Variants in RPL37 observed in about 807,000 individuals in gnomAD.
RPL37 encodes the protein ribosomal protein L37.
In RPL37, 1 loss-of-function variant was observed where a neutral mutation model predicts 14.8. The observed-to-expected ratio is 0.07, with a 90% confidence interval of 0.02 to 0.32. RPL37 has a LOEUF of 0.32. Ranked by LOEUF, RPL37 falls within the 10% of genes least tolerant of loss-of-function variation. The pLI, the probability that RPL37 is intolerant of heterozygous loss-of-function variation, is 1.00. For missense variants in RPL37, 100 were observed against 128.3 expected (o/e 0.78, Z 1.06); for synonymous variants, 53 against 45.8 (o/e 1.16, Z -0.63).
rs1745518670 is a variant in RPL37 at position 40,826,385 on chromosome 5, T to G, written c.*6119A>C. ...TTTTTTATATCCCAGCCCTCCCATGTAAGACTGGTCATTTTTTAGAATCCT... is the reference window on the plus strand; with the variant it reads ...TTTTTTATATCCCAGCCCTCCCATGGAAGACTGGTCATTTTTTAGAATCCT... On this transcript the variant is annotated 3_prime_UTR_variant, in exon 4 of 4. Transcript: ENST00000274242. The G allele has an allele frequency of 1.3e-5, 2 of 152,312 alleles. No homozygotes were observed. Among genetic ancestry groups the G allele is most frequent in the South Asian group, 4.1e-4 (2 of 4,826 alleles). 9.4% of individuals were successfully genotyped at this position (152,312 alleles called of 1,614,324 possible). A position where few individuals can be genotyped will look rare whatever the true frequency, so the allele number is the denominator to read the frequency against.
Position 40,827,953 on chromosome 5 carries a change from TTTGTTTAAAAAAAA to T in RPL37, c.*4537_*4550del, listed in dbSNP as rs1464710752. ...TCTCTTGTATTATGATCCAAACTCC[TTTGTTTAAAAAAAA>T]ATAAAACACCTAAATATAATCCAAA... On this transcript the variant is annotated 3_prime_UTR_variant, in exon 4 of 4. Transcript: ENST00000274242. 1 of 74,308 alleles carries T rather than the reference TTTGTTTAAAAAAAA, an allele frequency of 1.3e-5. No individual in the cohort carries two copies. The highest frequency in any genetic ancestry group is 2.9e-5 in the Non-Finnish European group (1 of 33,942). 4.6% of individuals were successfully genotyped at this position (74,308 alleles called of 1,614,324 possible). A position where few individuals can be genotyped will look rare whatever the true frequency, so the allele number is the denominator to read the frequency against.
In RPL37 at chr5:40,826,239, TTAGAATG is replaced by T. The variant is rs1745515172; in HGVS notation, c.*6258_*6264del. The T allele has an allele frequency of 6.6e-6, 1 of 152,200 alleles. No homozygotes were observed. The highest frequency in any genetic ancestry group is 2.1e-4 in the South Asian group (1 of 4,832). 9.4% of individuals were successfully genotyped at this position (152,200 alleles called of 1,614,324 possible). A position where few individuals can be genotyped will look rare whatever the true frequency, so the allele number is the denominator to read the frequency against. On this transcript the variant is annotated 3_prime_UTR_variant, in exon 4 of 4. Coordinates refer to ENST00000274242, the MANE Select transcript of RPL37 (RefSeq NM_000997.5). ...GCAGAGCTACATAAATATAACCTTA[TTAGAATG>T]GGATTTTTCCTACTTTGGGTAACTA...
chr5:40,833,056 T>C (rs527980328), intron 3 of RPL37, among the ~76,000 whole-genome samples: 19 of 152,316 alleles, frequency 1.2e-4, no homozygotes, highest in African/African-American at 4.6e-4. Context: ...CTATCCTACT[T>C]TTAAAAGCCT....
rs928604606 is a variant in RPL37 at position 40,831,672 on chromosome 5, A to AC, written c.*831dup. The AC allele has an allele frequency of 2.0e-5, 3 of 152,324 alleles. No homozygotes were observed. The highest frequency in any genetic ancestry group is 7.2e-5 in the African/African-American group (3 of 41,448). 9.4% of individuals were successfully genotyped at this position (152,324 alleles called of 1,614,324 possible). A position where few individuals can be genotyped will look rare whatever the true frequency, so the allele number is the denominator to read the frequency against. On this transcript the variant is annotated 3_prime_UTR_variant, in exon 4 of 4. Transcript: ENST00000274242. The stretch of plus-strand genomic sequence containing the variant: ...GACTTTGTCCCTTCATTTTAAAAAA[A>AC]CAAAAAAAACCCCCAACCCTGTCAA...
Position 40,831,706 on chromosome 5 carries a change from G to A in RPL37, c.*798C>T, listed in dbSNP as rs2291782. The A allele has an allele frequency of 0.24, 36,645 of 151,984 alleles. 5,237 individuals are homozygous for A. The highest frequency in any genetic ancestry group is 0.4 in the Admixed American group (6,026 of 15,250). 9.4% of individuals were successfully genotyped at this position (151,984 alleles called of 1,614,324 possible). The stretch of plus-strand genomic sequence containing the variant: ...ACCCCCAACCCTGTCAATAAACCAC[G>A]AAAACTAGGAAGGCACGACAGCAAG... On this transcript the variant is annotated 3_prime_UTR_variant, in exon 4 of 4. Coordinates refer to ENST00000274242, the MANE Select transcript of RPL37 (RefSeq NM_000997.5).
intron 1 of RPL37, 144 bp from the exon 2 acceptor site, chr5:40,834,750 G>T: frequency 1.1e-6 from 1 of 921,306 alleles, no homozygotes; most frequent in Non-Finnish European, 1.6e-6. Flanking sequence ...CGAATGCCAA[G>T]TCAGAGACCA....
In RPL37 at chr5:40,829,237, G is replaced by C. The variant is rs545762430; in HGVS notation, c.*3267C>G. The C allele has an allele frequency of 2.0e-5, 3 of 152,316 alleles. No homozygotes were observed. The highest frequency in any genetic ancestry group is 6.5e-5 in the Admixed American group (1 of 15,296). 9.4% of individuals were successfully genotyped at this position (152,316 alleles called of 1,614,324 possible). On this transcript the variant is annotated 3_prime_UTR_variant, in exon 4 of 4. Transcript: ENST00000274242. The stretch of plus-strand genomic sequence containing the variant: ...CCTTAGTCTGTCATGATTTTCACAT[G>C]AACTATTTAAGAACCTGTTACCTAG...
At position 40,827,761 on chromosome 5, in the gene RPL37, C is replaced by A. The variant is rs2112150092; in HGVS notation, c.*4743G>T. The A allele has an allele frequency of 6.6e-6, 1 of 150,896 alleles. No individual in the cohort carries two copies. The highest frequency in any genetic ancestry group is 2.1e-4 in the South Asian group (1 of 4,798). 9.3% of individuals were successfully genotyped at this position (150,896 alleles called of 1,614,324 possible). A position where few individuals can be genotyped will look rare whatever the true frequency, so the allele number is the denominator to read the frequency against. ...TTTTTTTTTGAGATGGAGTCTCGCT[C>A]TGCCGCCCGCCGTTCTCTCAGCTCA... On this transcript the variant is annotated 3_prime_UTR_variant, in exon 4 of 4. Transcript: ENST00000274242.
In RPL37 at chr5:40,831,477, A is replaced by T. The variant is rs919749500; in HGVS notation, c.*1027T>A. 1 of 152,356 alleles carries T rather than the reference A, an allele frequency of 6.6e-6. No individual in the cohort carries two copies. Among genetic ancestry groups the T allele is most frequent in the African/African-American group, 2.4e-5 (1 of 41,464 alleles). The allele number at this position is 152,356 out of a possible 1,614,324, so 9.4% of individuals were successfully genotyped here. On this transcript the variant is annotated 3_prime_UTR_variant, in exon 4 of 4. Coordinates refer to ENST00000274242, the MANE Select transcript of RPL37 (RefSeq NM_000997.5). Reference sequence around the variant, plus strand: ...TATAAAGCCATTCCAGGTTACAAGTAAAAGTGATACCCTTCCAAGGCCAGG... The same window carrying T: ...TATAAAGCCATTCCAGGTTACAAGTTAAAGTGATACCCTTCCAAGGCCAGG...
chr5:40,832,933 A>G (rs1745675491), intron 3 of RPL37, among the ~76,000 whole-genome samples: 1 of 152,256 alleles, frequency 6.6e-6, no homozygotes, highest in South Asian at 2.1e-4. Flanking sequence ...CTAAGCAAGG[A>G]AAAAACAATT....
intron 3 of RPL37, among the ~76,000 whole-genome samples, chr5:40,833,703 G>C (rs535566833): frequency 6.6e-6 from 1 of 150,422 alleles, no homozygotes; most frequent in African/African-American, 2.5e-5. Flanking sequence ...TGGGACCCTA[G>C]TTCAAACAAT....
chr5:40,832,353 A>T lies in RPL37; in HGVS notation c.*151T>A, dbSNP rs184626262. On this transcript the variant is annotated 3_prime_UTR_variant, in exon 4 of 4. Coordinates refer to ENST00000274242, the MANE Select transcript of RPL37 (RefSeq NM_000997.5). Reference sequence around the variant, plus strand: ...GTAAACATTCCAAAACAGTCACTTAACAAGTAAATCTGATATGAAGCTAGC... The same window carrying T: ...GTAAACATTCCAAAACAGTCACTTATCAAGTAAATCTGATATGAAGCTAGC... The T allele has an allele frequency of 7.2e-4, 527 of 730,914 alleles. 2 individuals are homozygous for T. The Middle Eastern group carries it at 9.7e-3, about 13-fold the overall frequency. The allele number at this position is 730,914 out of a possible 1,614,324, so 45.3% of individuals were successfully genotyped here. A position where few individuals can be genotyped will look rare whatever the true frequency, so the allele number is the denominator to read the frequency against.
At chr5:40,834,019 T>A (rs1745704544) in intron 3 of RPL37, 162 bp downstream of exon 3, 1 of 620,866 alleles carries the variant, frequency 1.6e-6, no homozygotes, top group East Asian at 2.8e-5. Context: ...CACTCAAGCC[T>A]GGGCAACATA....
At position 40,825,265 on chromosome 5, in the gene RPL37, CATTGTACAAT is replaced by C. The variant is rs1444553524; in HGVS notation, c.*7229_*7238del. 2.6e-5 allele frequency: 4 copies of C among 152,134 alleles called. No homozygotes were observed. The highest frequency in any genetic ancestry group is 4.4e-5 in the Non-Finnish European group (3 of 68,032). The allele number at this position is 152,134 out of a possible 1,614,324, so 9.4% of individuals were successfully genotyped here. The stretch of plus-strand genomic sequence containing the variant: ...CAAATTTGCTGCAAAAGTAGTATTT[CATTGTACAAT>C]ATCTTTATTAAAGAAATGCATTCCA... On this transcript the variant is annotated 3_prime_UTR_variant, in exon 4 of 4. Coordinates refer to ENST00000274242, the MANE Select transcript of RPL37 (RefSeq NM_000997.5).
rs1260240607 is a variant in RPL37 at position 40,832,300 on chromosome 5, T to G, written c.*204A>C. On this transcript the variant is annotated 3_prime_UTR_variant, in exon 4 of 4. Transcript: ENST00000274242. ...GAATTCTGCTTGTTTCTCATTGCCT[T>G]TAACCGTGTTACAAACCCAGTCCAA... 1.7e-6 allele frequency: 1 copy of G among 587,082 alleles called. No homozygotes were observed. The highest frequency in any genetic ancestry group is 3.1e-6 in the Non-Finnish European group (1 of 317,864). The allele number at this position is 587,082 out of a possible 1,614,324, so 36.4% of individuals were successfully genotyped here. A position where few individuals can be genotyped will look rare whatever the true frequency, so the allele number is the denominator to read the frequency against.
At chr5:40,833,879 T>C (rs540745755) in intron 3 of RPL37, 35 of 323,716 alleles carry the variant, frequency 1.1e-4, no homozygotes, top group African/African-American at 2.2e-4. Flanking sequence ...TCCCATTCTC[T>C]ACAATAAATA....
At position 40,833,915 on chromosome 5, in the gene RPL37, C is replaced by T. The variant is rs559534368; in HGVS notation, c.224+266G>A. The T allele has an allele frequency of 7.5e-4, 323 of 433,372 alleles. 2 individuals carry two copies. The Middle Eastern group carries it at 7.7e-3, about 10-fold the overall frequency. 26.8% of individuals were successfully genotyped at this position (433,372 alleles called of 1,614,324 possible). A position where few individuals can be genotyped will look rare whatever the true frequency, so the allele number is the denominator to read the frequency against. ...CAAAAATTAGCTGGGCATGTGGCAG[C>T]GCACACCTGTAGTCCCGGGTACTCG... On this transcript the variant is annotated intron_variant, in intron 3 of 3. Transcript: ENST00000274242.
At position 40,831,691 on chromosome 5, in the gene RPL37, C is replaced by T. The variant is rs1745642640; in HGVS notation, c.*813G>A. 6.6e-6 allele frequency: 1 copy of T among 152,300 alleles called. No individual in the cohort carries two copies. Among genetic ancestry groups the T allele is most frequent in the African/African-American group, 2.4e-5 (1 of 41,428 alleles). 9.4% of individuals were successfully genotyped at this position (152,300 alleles called of 1,614,324 possible). A position where few individuals can be genotyped will look rare whatever the true frequency, so the allele number is the denominator to read the frequency against. On this transcript the variant is annotated 3_prime_UTR_variant, in exon 4 of 4. Coordinates refer to ENST00000274242, the MANE Select transcript of RPL37 (RefSeq NM_000997.5). ...AAAAAAACAAAAAAAACCCCCAACCCTGTCAATAAACCACGAAAACTAGGA... is the reference window on the plus strand; with the variant it reads ...AAAAAAACAAAAAAAACCCCCAACCTTGTCAATAAACCACGAAAACTAGGA...
rs1275815605 is a variant in RPL37, at chr5:40,829,470, A to G, written c.*3034T>C. ...TGACAACCAAGGTGTCCAGTTTCAT[A>G]GTTATGCCCTCCTCTGACTGGTTAC... On this transcript the variant is annotated 3_prime_UTR_variant, in exon 4 of 4. Transcript: ENST00000274242. 1 of 152,136 alleles carries G rather than the reference A, an allele frequency of 6.6e-6. No homozygotes were observed. The highest frequency in any genetic ancestry group is 2.4e-5 in the African/African-American group (1 of 41,430). 9.4% of individuals were successfully genotyped at this position (152,136 alleles called of 1,614,324 possible). A position where few individuals can be genotyped will look rare whatever the true frequency, so the allele number is the denominator to read the frequency against.
Sources: allele counts gnomAD v4.1 joint callset (sites outside exome capture counted in the v4.1 genomes callset), GRCh38; gene constraint gnomAD v4.1.1; transcripts MANE v1.5; gene names NCBI Gene and HGNC (gene_info 2026-07-23, HGNC 2026-07-21).